FSIP2: variants seen among roughly 807,000 people sequenced by gnomAD.
FSIP2 encodes fibrous sheath interacting protein 2.
Under a neutral mutation model 510.5 loss-of-function variants are expected in FSIP2, and 367 were observed. That is an observed-to-expected ratio of 0.72 (90% confidence interval 0.66 to 0.78). The LOEUF (loss-of-function observed/expected upper bound fraction) is 0.78, where lower values mean the gene tolerates loss of function less well. FSIP2 is among the 30% of genes least tolerant of loss of function. The pLI is 0.00. For synonymous variants in FSIP2, 2,601 were observed against 2,732.2 expected (o/e 0.95, Z 1.50); for missense variants, 7,594 against 7,901.7 (o/e 0.96, Z 1.48).
chr2:185,806,060 A>AT lies in FSIP2; in HGVS notation c.16759dup (p.Ser5587PhefsTer5). The AT allele has an allele frequency of 6.4e-7, 1 of 1,560,354 alleles. No homozygotes were observed. Among genetic ancestry groups the AT allele is most frequent in the Non-Finnish European group, 8.7e-7 (1 of 1,150,796 alleles). On this transcript the variant is annotated frameshift_variant, in exon 17 of 23. Coordinates refer to ENST00000424728, the MANE Select transcript of FSIP2 (RefSeq NM_173651.4). LOFTEE classifies it high-confidence loss of function. ...GGGAAAGATGATGAGATATACACACATTTTTCATTAATAATTGATGATACA... is the reference window on the plus strand; with the variant it reads ...GGGAAAGATGATGAGATATACACACATTTTTTCATTAATAATTGATGATACA...
At position 185,808,649 on chromosome 2, in the gene FSIP2, C is replaced by T. The variant is rs1693651410; in HGVS notation, c.19343C>T (p.Thr6448Ile). Residue 6448 changes from threonine (T) to isoleucine (I), a missense_variant, in exon 17 of 23, where the codon ACA (threonine) becomes ATA (isoleucine). Transcript: ENST00000424728. ...EFYYDIKDTNTAFPKKVASLI... is the reference protein window; with the variant it reads ...EFYYDIKDTNIAFPKKVASLI... ...TATTATGATATAAAAGATACAAATACAGCCTTTCCTAAAAAAGTGGCTAGT... is the reference window on the plus strand; with the variant it reads ...TATTATGATATAAAAGATACAAATATAGCCTTTCCTAAAAAAGTGGCTAGT... 1.2e-6 allele frequency: 2 copies of T among 1,605,740 alleles called. No homozygotes were observed. Among genetic ancestry groups the T allele is most frequent in the South Asian group, 1.1e-5 (1 of 89,570 alleles).
chr2:185,786,143 G>GA (rs1020862471), intron 14 of FSIP2, 109 bp from the exon 15 acceptor site: 10 of 701,976 alleles, frequency 1.4e-5, no homozygotes, highest in East Asian at 5.5e-5. Flanking sequence ...AATTTCTAGA[G>GA]AAAAAATCTT....
At position 185,794,654 on chromosome 2, in the gene FSIP2, T is replaced by C. The variant is rs1436271066; in HGVS notation, c.7518T>C (p.Pro2506=). 1.3e-6 allele frequency: 2 copies of C among 1,533,000 alleles called. No individual in the cohort carries two copies. 95.0% of individuals were successfully genotyped at this position (1,533,000 alleles called of 1,614,324 possible). ...TAAGGGAAGTCACAGGCCATTTGCC[T>C]CCACTTAATGAAACTGCCAACTTTA... The part of the protein sequence containing the change: ...QRVREVTGHL[P]PLNETANFIS... Residue 2506 remains proline (P), a synonymous_variant, in exon 16 of 23, where the codon CCT becomes CCC. Transcript: ENST00000424728.
intron 19 of FSIP2, among the ~76,000 whole-genome samples, chr2:185,816,803 C>G (rs758270534): frequency 6.6e-6 from 1 of 150,682 alleles, no homozygotes; most frequent in African/African-American, 2.4e-5. Flanking sequence ...TTACAGTGAG[C>G]TATGATTTTG....
At position 185,796,883 on chromosome 2, in the gene FSIP2, T is replaced by C. The variant is rs749097288; in HGVS notation, c.9747T>C (p.Ser3249=). The C allele has an allele frequency of 2.3e-5, 35 of 1,534,930 alleles. No homozygotes were observed. Among genetic ancestry groups the C allele is most frequent in the Non-Finnish European group, 2.6e-5 (30 of 1,146,260 alleles). ...NKVQDHRPRE[S]NFGSFDQTMK... ...TACAAGACCACAGACCAAGGGAATC[T>C]AACTTTGGTAGTTTTGATCAGACCA... is the stretch of plus-strand genomic sequence containing the variant. The change falls in exon 16 of 23, where the codon TCT becomes TCC. Residue 3249 remains serine (S), a synonymous_variant. Coordinates refer to ENST00000424728, the MANE Select transcript of FSIP2 (RefSeq NM_173651.4).
Position 185,804,018 on chromosome 2 carries a change from T to C in FSIP2, c.14712T>C (p.Phe4904=). 2 of 1,500,718 alleles carry C rather than the reference T, an allele frequency of 1.3e-6. No homozygotes were observed. The highest frequency in any genetic ancestry group is 1.8e-6 in the Non-Finnish European group (2 of 1,129,166). 93.0% of individuals were successfully genotyped at this position (1,500,718 alleles called of 1,614,324 possible). ...CGAGTTTTATAATAAAAGAAATCTT[T>C]AACCATCATATTCAATCATTTTTAT... The part of the protein sequence containing the change: ...KIASFIIKEI[F]NHHIQSFLSE... The change falls in exon 17 of 23, where the codon TTT becomes TTC. Residue 4904 remains phenylalanine (F), a synonymous_variant. Transcript: ENST00000424728.
In FSIP2 at chr2:185,804,717, T is replaced by A. The variant is rs929336504; in HGVS notation, c.15411T>A (p.Asn5137Lys). Reference protein sequence around the residue: ...GHVFPSTHTENELKEKKFPPD... With the variant: ...GHVFPSTHTEKELKEKKFPPD... ...TCTTCCCTTCAACTCACACTGAAAA[T>A]GAACTAAAAGAGAAAAAGTTTCCAC... The change falls in exon 17 of 23, where the codon AAT (asparagine) becomes AAA (lysine). Residue 5137 changes from asparagine (N) to lysine (K), a missense_variant. Asn to Lys is a moderately conservative substitution (Grantham distance 94). Coordinates refer to ENST00000424728, the MANE Select transcript of FSIP2 (RefSeq NM_173651.4). 1 of 1,530,620 alleles carries A rather than the reference T, an allele frequency of 6.5e-7. No individual in the cohort carries two copies. The highest frequency in any genetic ancestry group is 2.0e-5 in the Admixed American group (1 of 50,188). The allele number at this position is 1,530,620 out of a possible 1,614,324, so 94.8% of individuals were successfully genotyped here.
intron 13 of FSIP2, among the ~76,000 whole-genome samples, chr2:185,768,936 C>T (rs1692551891): frequency 6.6e-6 from 1 of 152,154 alleles, no homozygotes; most frequent in Non-Finnish European, 1.5e-5. Flanking sequence ...CCAGCTCCAT[C>T]CATGTTCCTG....
In FSIP2 at chr2:185,796,504, G is replaced by A. The variant is rs1693282200; in HGVS notation, c.9368G>A (p.Gly3123Asp). 6.5e-7 allele frequency: 1 copy of A among 1,534,868 alleles called. No individual in the cohort carries two copies. Among genetic ancestry groups the A allele is most frequent in the Non-Finnish European group, 8.7e-7 (1 of 1,146,102 alleles). Residue 3123 changes from glycine to aspartate, a missense_variant, in exon 16 of 23, where the codon GGC becomes GAC. By Grantham distance (94) the Gly-to-Asp change is moderately conservative. Coordinates refer to ENST00000424728, the MANE Select transcript of FSIP2 (RefSeq NM_173651.4). ...KENIVASEII[G>D]TLMDQCTYFN... ...AACATTGTAGCAAGTGAGATCATTG[G>A]CACACTAATGGACCAGTGTACTTAT...
Position 185,794,302 on chromosome 2 carries a change from T to C in FSIP2, c.7166T>C (p.Val2389Ala). Residue 2389 changes from valine to alanine, a missense_variant, in exon 16 of 23, where the codon GTG becomes GCG. By Grantham distance (64) the Val-to-Ala change is moderately conservative. Coordinates refer to ENST00000424728, the MANE Select transcript of FSIP2 (RefSeq NM_173651.4). The stretch of plus-strand genomic sequence containing the variant: ...ATTTTGTTCCAAGAAAACATCATTG[T>C]GAGTGAAATTGTTGACAGTATGTTA... ...NNILFQENII[V>A]SEIVDSMLKM... is the part of the protein sequence containing the mutation. 6.6e-7 allele frequency: 1 copy of C among 1,523,702 alleles called. No homozygotes were observed. Among genetic ancestry groups the C allele is most frequent in the Non-Finnish European group, 8.8e-7 (1 of 1,140,342 alleles). 94.4% of individuals were successfully genotyped at this position (1,523,702 alleles called of 1,614,324 possible).
chr2:185,751,610 A>G (rs1262742228), intron 7 of FSIP2, among the ~76,000 whole-genome samples: 2 of 150,726 alleles, frequency 1.3e-5, no homozygotes, highest in African/African-American at 4.9e-5. Context: ...GATTAGTTTT[A>G]TGTGTGTCAT....
intron 17 of FSIP2, among the ~76,000 whole-genome samples, chr2:185,810,563 T>A (rs796974920): frequency 7.0e-4 from 66 of 94,780 alleles, no homozygotes; most frequent in Admixed American, 3.6e-3. Context: ...TTTTTTTTTT[T>A]ATAAATTACC....
In FSIP2 at chr2:185,802,376, A is replaced by C. The variant is rs776333652; in HGVS notation, c.13070A>C (p.Asp4357Ala). 1.6e-5 allele frequency: 24 copies of C among 1,532,488 alleles called. No homozygotes were observed. Among genetic ancestry groups the C allele is most frequent in the Non-Finnish European group, 1.6e-5 (18 of 1,144,952 alleles). The allele number at this position is 1,532,488 out of a possible 1,614,324, so 94.9% of individuals were successfully genotyped here. The change falls in exon 17 of 23, where the codon GAC (aspartate) becomes GCC (alanine). Residue 4357 changes from aspartate (D) to alanine (A), a missense_variant. Transcript: ENST00000424728. ...GCTAAAATTCACATTCTCTATGATG[A>C]CAAAGAACAGGCTTTCTTTTCTTTC... The part of the protein sequence containing the change: ...NKAKIHILYD[D>A]KEQAFFSFNT...
At chr2:185,738,617 T>C (rs1399805728), upstream of FSIP2, 1 of 1,535,966 alleles carries the variant, frequency 6.5e-7, no homozygotes, top group Non-Finnish European at 8.7e-7. Flanking sequence ...GCGTGATGGT[T>C]TCAGAGAAAG....
chr2:185,772,404 T>G (rs1692622716), intron 13 of FSIP2, among the ~76,000 whole-genome samples: 1 of 152,182 alleles, frequency 6.6e-6, no homozygotes, highest in African/African-American at 2.4e-5. Flanking sequence ...ATAGGTTATT[T>G]TTCTCACGGT....
intron 9 of FSIP2, among the ~76,000 whole-genome samples, chr2:185,760,124 CTTT>C (rs1553494441): frequency 6.6e-6 from 1 of 150,378 alleles, no homozygotes; most frequent in Non-Finnish European, 1.5e-5. Context: ...TGATTTGTGG[CTTT>C]ATTTGTTTTT....
rs766398046 is a variant in FSIP2 at position 185,800,984 on chromosome 2, T to C, written c.11678T>C (p.Ile3893Thr). ...ATAAAAGCAAGAAAGTCAGAATTAA[T>C]AGAATTAGGACAGAGTAAAAGTTCT... ...SFIKARKSEL[I>T]ELGQSKSSLE... The change falls in exon 17 of 23, where the codon ATA (isoleucine) becomes ACA (threonine). Residue 3893 changes from isoleucine to threonine, a missense_variant. By Grantham distance (89) the Ile-to-Thr change is moderately conservative. Transcript: ENST00000424728. 2.1e-5 allele frequency: 32 copies of C among 1,529,702 alleles called. No homozygotes were observed. Among genetic ancestry groups the C allele is most frequent in the South Asian group, 4.8e-5 (4 of 83,488 alleles). The allele number at this position is 1,529,702 out of a possible 1,614,324, so 94.8% of individuals were successfully genotyped here.
intron 5 of FSIP2, among the ~76,000 whole-genome samples, chr2:185,746,002 AT>A (rs1251408038): frequency 6.6e-6 from 1 of 152,136 alleles, no homozygotes; most frequent in Admixed American, 6.5e-5. Context: ...GCTCATTTAA[AT>A]ATGACTCAGT....
Position 185,775,773 on chromosome 2 carries a change from C to T in FSIP2, c.1412-6932C>T, listed in dbSNP as rs796541320. Among the ~76,000 whole-genome samples, 7 of 152,270 alleles carry T rather than the reference C, an allele frequency of 4.6e-5. 1 individual carries two copies. Among genetic ancestry groups the T allele is most frequent in the South Asian group, 2.1e-4 (1 of 4,824 alleles). On this transcript the variant is annotated intron_variant, in intron 13 of 22. Transcript: ENST00000424728. ...CTGCCTCCTGGGTTCAAGCAGTTCT[C>T]CTGCCTCAGCCTCCCGAGTAGCTGA... is the stretch of plus-strand genomic sequence containing the variant.
Sources: gnomAD v4.1 joint callset for allele counts (sites outside exome capture counted in the v4.1 genomes callset) on GRCh38, gnomAD v4.1.1 for gene constraint, MANE v1.5 for transcripts, NCBI Gene and HGNC (gene_info 2026-07-23, HGNC 2026-07-21) for gene names.